The following INPP4A variants were observed in gnomAD, a reference collection of about 807,000 sequenced individuals.
INPP4A encodes inositol polyphosphate-4-phosphatase, type I, 107kD.
A neutral mutation model predicts 119.8 loss-of-function variants in INPP4A; 33 were observed. The ratio of observed to expected loss-of-function variants is 0.28; its 90% CI spans 0.21 to 0.37. The LOEUF (loss-of-function observed/expected upper bound fraction) is 0.37, where lower values mean the gene tolerates loss of function less well. Among genes scored for constraint, INPP4A ranks in the 10% least tolerant of loss-of-function variants. INPP4A has a pLI of 1.00. For missense variants in INPP4A, 956 were observed against 1,289.9 expected, an observed-to-expected ratio of 0.74 and a Z score of 3.97; for synonymous variants, 496 against 500.7, an observed-to-expected ratio of 0.99 and a Z score of 0.12.
intron 1 of INPP4A, among the ~76,000 whole-genome samples, chr2:98,476,915 C>G (rs1677345804): frequency 6.6e-6 from 1 of 152,220 alleles, no homozygotes; most frequent in Non-Finnish European, 1.5e-5. Context: ...CCCTTCCTTG[C>G]TGTCCTTGAT....
intron 10 of INPP4A, among the ~76,000 whole-genome samples, chr2:98,542,121 A>G (rs1691581455): frequency 1.3e-5 from 2 of 152,340 alleles, no homozygotes; most frequent in South Asian, 4.1e-4. Flanking sequence ...CCTCTGTGAG[A>G]TGATGACATT....
chr2:98,570,429 A>T lies in INPP4A; in HGVS notation c.2518+1761A>T, dbSNP rs781644430. ...GGTGTGGGGCGCTGCCGGACACTGGATGTGTGGACAAGGAGCTGCTGGTGA... is the reference window on the plus strand; with the variant it reads ...GGTGTGGGGCGCTGCCGGACACTGGTTGTGTGGACAAGGAGCTGCTGGTGA... On this transcript the variant is annotated intron_variant, in intron 22 of 24. Transcript: ENST00000409851. This position sits in a 1 kb window ranked among gnomAD's most constrained non-coding sequence, Gnocchi z 4.3. Among the ~76,000 whole-genome samples, 9 of 152,112 alleles carry T rather than the reference A, an allele frequency of 5.9e-5. No individual in the cohort carries two copies. Among genetic ancestry groups the T allele is most frequent in the Non-Finnish European group, 1.3e-4 (9 of 67,994 alleles).
At position 98,546,802 on chromosome 2, in the gene INPP4A, C is replaced by T; in HGVS notation, c.1163+108C>T. 2.8e-6 allele frequency: 2 copies of T among 722,874 alleles called. 1 individual carries two copies. The highest frequency in any genetic ancestry group is 3.3e-5 in the South Asian group (2 of 60,966). The allele number at this position is 722,874 out of a possible 1,614,324, so 44.8% of individuals were successfully genotyped here. A position where few individuals can be genotyped will look rare whatever the true frequency, so the allele number is the denominator to read the frequency against. On this transcript the variant is annotated intron_variant, in intron 13 of 24. Transcript: ENST00000409851. This position sits in a 1 kb window ranked among gnomAD's most constrained non-coding sequence, Gnocchi z 4.2. ...CCGCAAAAACACCCAGCCATCTGAT[C>T]TGCTTTTGCGTGGCAGGAGGATCTG... is the stretch of plus-strand genomic sequence containing the variant.
intron 4 of INPP4A, among the ~76,000 whole-genome samples, chr2:98,525,199 C>T (rs1687961435): frequency 6.6e-6 from 1 of 152,334 alleles, no homozygotes; most frequent in African/African-American, 2.4e-5. Context: ...ATAGAGGCCA[C>T]TCACATTCCT....
chr2:98,472,237 C>T (rs910577686), intron 1 of INPP4A, among the ~76,000 whole-genome samples: 6 of 152,136 alleles, frequency 3.9e-5, no homozygotes, highest in African/African-American at 7.2e-5. Flanking sequence ...TGTTGGGGTC[C>T]GGGGTTGGGG....
chr2:98,563,650 AGCACCCC>A lies in INPP4A; in HGVS notation c.2028+15_2028+21del. ...CTTCTGCCAGACGGTAGGCCCCGGG[AGCACCCC>A]GAGGGAGACCACGGGCACCTCTCAG... On this transcript the variant is annotated intron_variant, in intron 18 of 24. Coordinates refer to ENST00000409851, the MANE Select transcript of INPP4A (RefSeq NM_001134225.2). 6.2e-7 allele frequency: 1 copy of A among 1,611,652 alleles called. No individual in the cohort carries two copies. Among genetic ancestry groups the A allele is most frequent in the Non-Finnish European group, 8.5e-7 (1 of 1,179,694 alleles).
chr2:98,518,312 G>A (rs1454771424), intron 1 of INPP4A, among the ~76,000 whole-genome samples: 1 of 152,252 alleles, frequency 6.6e-6, no homozygotes, highest in Non-Finnish European at 1.5e-5. Flanking sequence ...CACCCCTAGT[G>A]GGAGGGATAG....
Position 98,539,513 on chromosome 2 carries a change from G to A in INPP4A, c.671-15G>A. ...AGTTCATTTGCAGCCTGTCTCCCTTGTCATCCCACCTCAGTGTTCGGTGGT... is the reference window on the plus strand; with the variant it reads ...AGTTCATTTGCAGCCTGTCTCCCTTATCATCCCACCTCAGTGTTCGGTGGT... On this transcript the variant is annotated splice_polypyrimidine_tract_variant and intron_variant, in intron 9 of 24. Coordinates refer to ENST00000409851, the MANE Select transcript of INPP4A (RefSeq NM_001134225.2). 6.3e-7 allele frequency: 1 copy of A among 1,597,728 alleles called. No individual in the cohort carries two copies. The highest frequency in any genetic ancestry group is 1.1e-5 in the South Asian group (1 of 89,884).
At chr2:98,583,893 C>T (rs1699658015) in intron 24 of INPP4A, among the ~76,000 whole-genome samples, 1 of 152,252 alleles carries the variant, frequency 6.6e-6, no homozygotes, top group African/African-American at 2.4e-5. Context: ...CAACACTTTA[C>T]ATCCTAAAAT....
chr2:98,583,754 C>T (rs962650466), intron 24 of INPP4A, among the ~76,000 whole-genome samples: 9 of 152,290 alleles, frequency 5.9e-5, no homozygotes, highest in Admixed American at 2.0e-4. Flanking sequence ...AGGCAGCGAG[C>T]GACCTCTCTT....
intron 1 of INPP4A, among the ~76,000 whole-genome samples, chr2:98,471,052 C>T (rs1675907637): frequency 2.0e-5 from 3 of 152,166 alleles, no homozygotes; most frequent in South Asian, 2.1e-4. Context: ...CCTTGTTGAC[C>T]TGTAGTTTCA....
At chr2:98,559,095 G>A (rs1694996382) in intron 16 of INPP4A, among the ~76,000 whole-genome samples, 1 of 152,268 alleles carries the variant, frequency 6.6e-6, no homozygotes, top group Non-Finnish European at 1.5e-5. Flanking sequence ...GATGCCGCAA[G>A]CCAACGCGGG....
In INPP4A at chr2:98,546,767, C is replaced by A; in HGVS notation, c.1163+73C>A. 1.0e-6 allele frequency: 1 copy of A among 977,786 alleles called. No homozygotes were observed. Among genetic ancestry groups the A allele is most frequent in the South Asian group, 1.4e-5 (1 of 71,904 alleles). 60.6% of individuals were successfully genotyped at this position (977,786 alleles called of 1,614,324 possible). A position where few individuals can be genotyped will look rare whatever the true frequency, so the allele number is the denominator to read the frequency against. On this transcript the variant is annotated intron_variant, in intron 13 of 24. Transcript: ENST00000409851. This position sits in a 1 kb window ranked among gnomAD's most constrained non-coding sequence, Gnocchi z 4.2. ...TTCTTTTCTCAGTTTAAAATAAAAT[C>A]AAAATATGACCGCAAAAACACCCAG...
chr2:98,572,780 G>T lies in INPP4A; in HGVS notation c.2519-35G>T, dbSNP rs201876346. 9 of 1,471,250 alleles carry T rather than the reference G, an allele frequency of 6.1e-6. No homozygotes were observed. In the South Asian group the frequency reaches 1.1e-4, roughly 18 times the overall value. The allele number at this position is 1,471,250 out of a possible 1,614,324, so 91.1% of individuals were successfully genotyped here. ...CTCTGCCGGGGGAGTTCCTGGGTGCGTCACCCACTCCCACGAACTCCTTTT... is the reference window on the plus strand; with the variant it reads ...CTCTGCCGGGGGAGTTCCTGGGTGCTTCACCCACTCCCACGAACTCCTTTT... On this transcript the variant is annotated intron_variant, in intron 22 of 24. Transcript: ENST00000409851.
In INPP4A at chr2:98,563,566, C is replaced by G; in HGVS notation, c.1957C>G (p.Gln653Glu). The change falls in exon 18 of 25, where the codon CAG becomes GAG. Residue 653 changes from glutamine to glutamate, a missense_variant. This residue lies in a region of INPP4A where 304 missense variants were observed against 492.1 expected (regional missense o/e 0.62). Transcript: ENST00000409851. The part of the protein sequence containing the change: ...AKKAMVFLLM[Q>E]DSAPTIATYL... ...GAAGGCCATGGTATTCCTGCTCATG[C>G]AGGACAGCGCGCCCACCATAGCCAC... The G allele has an allele frequency of 6.2e-7, 1 of 1,613,832 alleles. No homozygotes were observed. The highest frequency in any genetic ancestry group is 1.3e-5 in the African/African-American group (1 of 75,044).
intron 22 of INPP4A, among the ~76,000 whole-genome samples, chr2:98,572,385 TC>T (rs1697622763): frequency 6.6e-6 from 1 of 152,246 alleles, no homozygotes; most frequent in Non-Finnish European, 1.5e-5. Flanking sequence ...GGCTGCACTT[TC>T]CTGATCCCTC....
At chr2:98,520,645 G>A in intron 3 of INPP4A, 42 bp from the exon 4 acceptor site, 2 of 1,312,790 alleles carry the variant, frequency 1.5e-6, no homozygotes, top group Non-Finnish European at 2.1e-6. Context: ...ACAGAGAAAA[G>A]TTTATTAAGG....
chr2:98,578,627 C>T (rs1698811145), intron 24 of INPP4A, among the ~76,000 whole-genome samples: 14 of 152,268 alleles, frequency 9.2e-5, no homozygotes, highest in Admixed American at 9.2e-4. Flanking sequence ...CCCGCAAGGG[C>T]CCCATCCGCC....
intron 1 of INPP4A, among the ~76,000 whole-genome samples, chr2:98,513,168 C>G (rs1342954758): frequency 6.6e-6 from 1 of 152,064 alleles, no homozygotes; most frequent in East Asian, 1.9e-4. Flanking sequence ...TATCGTAGGC[C>G]CAACTCCTCC....
Sources: allele counts gnomAD v4.1 joint callset (sites outside exome capture counted in the v4.1 genomes callset), GRCh38; gene constraint gnomAD v4.1.1; regional missense constraint gnomAD v4.1.1; non-coding constraint Gnocchi (gnomAD v3.1); transcripts MANE v1.5; gene names NCBI Gene and HGNC (gene_info 2026-07-23, HGNC 2026-07-21).